Variants in NDE1 observed in about 807,000 individuals in gnomAD.
The protein encoded by NDE1 is nuclear distribution protein nudE homolog 1.
In NDE1, 28 loss-of-function variants were observed where a neutral mutation model predicts 43.4. The ratio of observed to expected loss-of-function variants is 0.65; its 90% confidence interval spans 0.48 to 0.89. NDE1 has a LOEUF of 0.89. Ranked by LOEUF, NDE1 falls within the 40% of genes least tolerant of loss-of-function variation. The pLI is 0.00. For missense variants in NDE1, 441 were observed against 434.1 expected (o/e 1.02, Z -0.14); for synonymous variants, 184 against 172.0 (o/e 1.07, Z -0.55).
chr16:15,718,243 GTTGACT>G, intron 8 of NDE1: 7 of 1,601,224 alleles, frequency 4.4e-6, no homozygotes, highest in Middle Eastern at 1.7e-4. Context: ...CCACGCGTGT[GTTGACT>G]GGTGCAGGAT....
At chr16:15,714,216 C>A (rs1342467167) in intron 8 of NDE1, 4 of 153,742 alleles carry the variant, frequency 2.6e-5, no homozygotes, top group African/African-American at 9.7e-5. Context: ...CAGGGGGGAC[C>A]CCCAAGGTAC....
intron 4 of NDE1, among the ~76,000 whole-genome samples, chr16:15,682,140 T>C (rs2038214478): frequency 6.6e-6 from 1 of 152,198 alleles, no homozygotes; most frequent in African/African-American, 2.4e-5. Context: ...TCGGATGAGG[T>C]AGAAGCCCAG....
At chr16:15,689,577 T>C (rs2038624495) in intron 5 of NDE1, among the ~76,000 whole-genome samples, 1 of 152,174 alleles carries the variant, frequency 6.6e-6, no homozygotes. Context: ...TTTCCAGTAA[T>C]GCTTAATAAA....
chr16:15,725,675 A>G lies in NDE1; in HGVS notation c.*1424A>G. ...CTGCTCTCAACTGCATGTGAGAAAA[A>G]AACATCTCACTTAATTCTTCCCTCG... On this transcript the variant is annotated 3_prime_UTR_variant, in exon 9 of 9. Transcript: ENST00000396354. 5.0e-6 allele frequency: 2 copies of G among 399,010 alleles called. No individual in the cohort carries two copies. Among genetic ancestry groups the G allele is most frequent in the Non-Finnish European group, 8.8e-6 (2 of 226,370 alleles). 24.7% of individuals were successfully genotyped at this position (399,010 alleles called of 1,614,324 possible).
chr16:15,718,419 T>G, intron 8 of NDE1: 8 of 1,580,212 alleles, frequency 5.1e-6, no homozygotes, highest in Non-Finnish European at 6.9e-6. Context: ...AGGCGGCGCT[T>G]CTCGTCCTGG....
upstream of NDE1, among the ~76,000 whole-genome samples, chr16:15,649,111 G>T (rs947326564): frequency 1.2e-4 from 18 of 152,112 alleles, no homozygotes; most frequent in African/African-American, 4.1e-4. Context: ...CAGGAGAATT[G>T]CTTGAACTCA....
intron 5 of NDE1, among the ~76,000 whole-genome samples, chr16:15,689,792 T>C (rs1056293711): frequency 1.3e-5 from 2 of 151,690 alleles, no homozygotes. Context: ...ATACAAAAAT[T>C]AGCCAGGTGT....
At chr16:15,670,813 ATGGGTGTCGGG>A (rs1213940411) in intron 3 of NDE1, among the ~76,000 whole-genome samples, 1 of 152,114 alleles carries the variant, frequency 6.6e-6, no homozygotes, top group Admixed American at 6.6e-5. Flanking sequence ...GTGGACAAGA[ATGGGTGTCGGG>A]TGGACCTTGG....
rs765180338 is a variant in NDE1, at chr16:15,664,749, A to G, written c.-30A>G. 2.6e-6 allele frequency: 4 copies of G among 1,528,048 alleles called. No homozygotes were observed. The Admixed American group carries it at 5.0e-5, about 19-fold the overall frequency. The allele number at this position is 1,528,048 out of a possible 1,614,324, so 94.7% of individuals were successfully genotyped here. ...CTTCTCTCCTAGACACCATGCCACAAGGAGAGTGATCTCTTCCCCTGTTTT... is the reference window on the plus strand; with the variant it reads ...CTTCTCTCCTAGACACCATGCCACAGGGAGAGTGATCTCTTCCCCTGTTTT... On this transcript the variant is annotated 5_prime_UTR_variant, in exon 2 of 9. Transcript: ENST00000396354.
chr16:15,656,812 A>AT (rs2036791080), intron 1 of NDE1, among the ~76,000 whole-genome samples: 1 of 152,092 alleles, frequency 6.6e-6, no homozygotes, highest in Non-Finnish European at 1.5e-5. Context: ...AAGTATCAGG[A>AT]TTACAGGCAT....
chr16:15,707,177 T>C (rs2151168073), intron 8 of NDE1, among the ~76,000 whole-genome samples: 1 of 152,242 alleles, frequency 6.6e-6, no homozygotes, highest in Non-Finnish European at 1.5e-5. Context: ...TAACTGGGAC[T>C]ACAGACATGC....
In NDE1 at chr16:15,691,320, C is replaced by A. The variant is rs201783071; in HGVS notation, c.700C>A (p.Arg234Ser). 2.7e-5 allele frequency: 43 copies of A among 1,613,988 alleles called. No individual in the cohort carries two copies. The African/African-American group carries it at 5.3e-4, about 20-fold the overall frequency. ...TTTAAACACACCTGGGAGCTTCAGA[C>A]GTGGTAAGGGGAGTGGGAATTGCAG... ...SSLNTPGSFR[R>S]GLDDSTGGTP... Residue 234 changes from arginine to serine, a missense_variant, in exon 6 of 9, where the codon CGT (arginine) becomes AGT (serine). Physicochemically the swap from Arg to Ser is moderately radical, Grantham distance 110 (BLOSUM62 -1). Coordinates refer to ENST00000396354, the MANE Select transcript of NDE1 (RefSeq NM_017668.3).
At chr16:15,658,781 C>G (rs539124124) in intron 1 of NDE1, among the ~76,000 whole-genome samples, 4 of 152,054 alleles carry the variant, frequency 2.6e-5, no homozygotes, top group Admixed American at 1.3e-4. Context: ...CTTAGCCTCC[C>G]GAGTAGTTGG....
At chr16:15,697,065 G>C (rs1759362413) in intron 8 of NDE1, 1 of 1,483,884 alleles carries the variant, frequency 6.7e-7, no homozygotes, top group Non-Finnish European at 8.9e-7. Flanking sequence ...GTCTTGTTTT[G>C]TGAGACAGGG....
rs1020211829 is a variant in NDE1 at position 15,722,483 on chromosome 16, T to A, written c.948-1708T>A. Among the ~76,000 whole-genome samples, 4 of 152,200 alleles carry A rather than the reference T, an allele frequency of 2.6e-5. No individual in the cohort carries two copies. In the East Asian group the frequency reaches 7.7e-4, roughly 29 times the overall value. ...CCAGTATTCAGCAAAGACAGGGACC[T>A]CTAAATGGCACAGTCAACACAAAAA... On this transcript the variant is annotated intron_variant, in intron 8 of 8. Coordinates refer to ENST00000396354, the MANE Select transcript of NDE1 (RefSeq NM_017668.3).
intron 3 of NDE1, among the ~76,000 whole-genome samples, chr16:15,674,155 T>C (rs551021938): frequency 6.6e-6 from 1 of 152,268 alleles, no homozygotes; most frequent in African/African-American, 2.4e-5. Context: ...ACTGTTTCTT[T>C]GGTAATTAAC....
chr16:15,694,406 T>TA, intron 7 of NDE1, 150 bp downstream of exon 7: 1 of 1,511,400 alleles, frequency 6.6e-7, no homozygotes, highest in Non-Finnish European at 8.9e-7. Context: ...AGTGTAGTGG[T>TA]ATGATCACAA....
intron 4 of NDE1, among the ~76,000 whole-genome samples, chr16:15,681,983 C>T (rs942314622): frequency 2.0e-5 from 3 of 152,182 alleles, no homozygotes; most frequent in African/African-American, 7.2e-5. Flanking sequence ...GGGCCTTGTG[C>T]ACTCCAAGGT....
intron 8 of NDE1, 68 bp downstream of exon 8, chr16:15,696,928 C>G (rs1472532204): frequency 6.3e-7 from 1 of 1,590,410 alleles, no homozygotes; most frequent in African/African-American, 1.3e-5. Flanking sequence ...GAGACACTCA[C>G]CCCCAGCCCA....
Sources: allele counts gnomAD v4.1 joint callset (sites outside exome capture counted in the v4.1 genomes callset), GRCh38; gene constraint gnomAD v4.1.1; transcripts MANE v1.5; gene names NCBI Gene and HGNC (gene_info 2026-07-23, HGNC 2026-07-21).